Variants in TMEM131L observed in about 807,000 individuals in gnomAD.
The protein encoded by TMEM131L is transmembrane 131 like.
TMEM131L carries 54 observed loss-of-function variants against 192.2 expected under a neutral mutation model. That is an observed-to-expected ratio of 0.28 (90% CI 0.23 to 0.35). The LOEUF is 0.35. Among genes scored for constraint, TMEM131L ranks in the 10% least tolerant of loss-of-function variants. TMEM131L has a pLI of 1.00. For synonymous variants in TMEM131L, 701 were observed against 704.9 expected (o/e 0.99, Z 0.09); for missense variants, 1,888 against 1,972.9 (o/e 0.96, Z 0.82).
At chr4:153,550,184 C>T in intron 4 of TMEM131L, 43 bp downstream of exon 4, 1 of 833,194 alleles carries the variant, frequency 1.2e-6, no homozygotes, top group Non-Finnish European at 1.8e-6. Flanking sequence ...TTTATTTATA[C>T]TATTTATTTT....
intron 26 of TMEM131L, among the ~76,000 whole-genome samples, chr4:153,614,206 G>T (rs1416907745): frequency 6.6e-6 from 1 of 152,190 alleles, no homozygotes; most frequent in Non-Finnish European, 1.5e-5. Context: ...AGCTACCTTT[G>T]GGGAAGTAAT....
intron 7 of TMEM131L, among the ~76,000 whole-genome samples, chr4:153,580,048 ATTAAAC>A (rs1730227546): frequency 6.6e-6 from 1 of 152,206 alleles, no homozygotes; most frequent in African/African-American, 2.4e-5. Flanking sequence ...TGCCAGAGAC[ATTAAAC>A]TTAATGAAAG....
chr4:153,487,422 C>T (rs1732418649), intron 3 of TMEM131L, among the ~76,000 whole-genome samples: 1 of 152,068 alleles, frequency 6.6e-6, no homozygotes, highest in Non-Finnish European at 1.5e-5. Context: ...GGGTTCCAGG[C>T]TGAGCTTTGG....
chr4:153,588,624 G>A (rs1427163372), intron 15 of TMEM131L, among the ~76,000 whole-genome samples: 1 of 151,768 alleles, frequency 6.6e-6, no homozygotes, highest in African/African-American at 2.4e-5. Flanking sequence ...TTTGTTTCAG[G>A]CTGTATTCAT....
chr4:153,626,322 A>G (rs1266980505), intron 30 of TMEM131L, 97 bp downstream of exon 30: 1 of 771,194 alleles, frequency 1.3e-6, no homozygotes, highest in African/African-American at 1.8e-5. Context: ...CTGCAGGTTA[A>G]AATATGAAAA....
At chr4:153,610,851 T>C (rs1732561403) in intron 25 of TMEM131L, among the ~76,000 whole-genome samples, 1 of 152,192 alleles carries the variant, frequency 6.6e-6, no homozygotes, top group Non-Finnish European at 1.5e-5. Flanking sequence ...GCCTGCAGTC[T>C]GCTTTGCTGG....
chr4:153,591,012 T>A (rs747491334), intron 16 of TMEM131L, 41 bp from the exon 17 acceptor site: 1 of 1,352,020 alleles, frequency 7.4e-7, no homozygotes, highest in African/African-American at 1.5e-5. Context: ...TTTTTAAATA[T>A]CAAAATATTT....
At chr4:153,580,104 G>T (rs143798296) in intron 7 of TMEM131L, among the ~76,000 whole-genome samples, 1 of 151,892 alleles carries the variant, frequency 6.6e-6, no homozygotes, top group Non-Finnish European at 1.5e-5. Context: ...TTCACATACT[G>T]CACTGAGTAA....
chr4:153,579,491 A>C (rs1480858731), intron 7 of TMEM131L, among the ~76,000 whole-genome samples: 2 of 152,228 alleles, frequency 1.3e-5, no homozygotes, highest in African/African-American at 4.8e-5. Context: ...TTTTTACTGC[A>C]TTAAAAATAT....
At chr4:153,554,472 G>T (rs1275010115) in intron 4 of TMEM131L, among the ~76,000 whole-genome samples, 2 of 152,202 alleles carry the variant, frequency 1.3e-5, no homozygotes, top group African/African-American at 2.4e-5. Context: ...CCAAGGATTT[G>T]ATGGTAGTAA....
intron 3 of TMEM131L, among the ~76,000 whole-genome samples, chr4:153,540,381 A>T (rs973047643): frequency 6.6e-6 from 1 of 152,170 alleles, no homozygotes; most frequent in Non-Finnish European, 1.5e-5. Context: ...TCAGCCTTCT[A>T]GATCCTACTC....
At chr4:153,624,939 C>T (rs1466586652) in intron 29 of TMEM131L, among the ~76,000 whole-genome samples, 5 of 152,214 alleles carry the variant, frequency 3.3e-5, no homozygotes, top group African/African-American at 1.2e-4. Context: ...CCCACGTGTA[C>T]GCGATTCCAC....
chr4:153,608,562 G>A (rs1280175888), intron 25 of TMEM131L, among the ~76,000 whole-genome samples: 1 of 152,178 alleles, frequency 6.6e-6, no homozygotes, highest in East Asian at 1.9e-4. Context: ...CTGTAATAAT[G>A]TAAAGGTATA....
chr4:153,496,149 C>T (rs1733154971), intron 3 of TMEM131L, among the ~76,000 whole-genome samples: 1 of 152,176 alleles, frequency 6.6e-6, no homozygotes, highest in Non-Finnish European at 1.5e-5. Flanking sequence ...ATAGATTAGG[C>T]TATGGGTTTA....
intron 3 of TMEM131L, among the ~76,000 whole-genome samples, chr4:153,522,486 TGGGACTC>T (rs1260814271): frequency 6.6e-6 from 1 of 152,092 alleles, no homozygotes; most frequent in South Asian, 2.1e-4. Flanking sequence ...CTGGGCTCCC[TGGGACTC>T]GGTCTGTGTG....
At chr4:153,599,970 G>A (rs539119352) in intron 21 of TMEM131L, among the ~76,000 whole-genome samples, 4 of 152,278 alleles carry the variant, frequency 2.6e-5, no homozygotes, top group Non-Finnish European at 4.4e-5. Context: ...CCCAGGAGGC[G>A]GAGGTTGCAG....
intron 3 of TMEM131L, among the ~76,000 whole-genome samples, chr4:153,494,074 G>A (rs949342259): frequency 6.6e-6 from 1 of 152,012 alleles, no homozygotes; most frequent in African/African-American, 2.4e-5. Context: ...TATCTCTGTG[G>A]CTTTCCAGCT....
intron 22 of TMEM131L, 90 bp downstream of exon 22, chr4:153,602,428 G>A: frequency 6.5e-7 from 1 of 1,529,372 alleles, no homozygotes; most frequent in Non-Finnish European, 9.0e-7. Context: ...GACATCTTAT[G>A]TTGTTTTAAT....
intron 3 of TMEM131L, among the ~76,000 whole-genome samples, chr4:153,502,192 C>G (rs192264208): frequency 6.6e-6 from 1 of 152,116 alleles, no homozygotes; most frequent in Admixed American, 6.5e-5. Flanking sequence ...AGTCCTCCCA[C>G]CTTGTCCTCC....
Sources: allele counts gnomAD v4.1 joint callset (sites outside exome capture counted in the v4.1 genomes callset), GRCh38; gene constraint gnomAD v4.1.1; transcripts MANE v1.5; gene names NCBI Gene and HGNC (gene_info 2026-07-23, HGNC 2026-07-21).